Variants in ANKRD13C observed in about 807,000 individuals in gnomAD.
The protein encoded by ANKRD13C is ankyrin repeat domain-containing protein 13C.
In ANKRD13C, 16 loss-of-function variants were observed where a neutral mutation model predicts 65.5. That is an observed-to-expected ratio of 0.24 (90% confidence interval 0.17 to 0.37). ANKRD13C has a LOEUF of 0.37. Ranked by LOEUF, ANKRD13C falls within the 10% of genes least tolerant of loss-of-function variation. ANKRD13C has a pLI of 1.00. For synonymous variants in ANKRD13C, 235 were observed against 238.7 expected, an observed-to-expected ratio of 0.98 and a Z score of 0.14; for missense variants, 503 against 655.9, an observed-to-expected ratio of 0.77 and a Z score of 2.55.
chr1:70,332,291 C>A (rs1681851363), intron 2 of ANKRD13C, among the ~76,000 whole-genome samples: 1 of 152,190 alleles, frequency 6.6e-6, no homozygotes, highest in Non-Finnish European at 1.5e-5. Context: ...AAATTTCTAA[C>A]AAGTTCCACA....
intron 7 of ANKRD13C, 89 bp from the exon 8 acceptor site, chr1:70,296,350 T>A (rs1332625956): frequency 1.5e-6 from 2 of 1,293,602 alleles, no homozygotes; most frequent in African/African-American, 3.0e-5. Context: ...ATTATAATGG[T>A]ACCAATTTTT....
chr1:70,301,220 T>G (rs1033109381), intron 6 of ANKRD13C, among the ~76,000 whole-genome samples: 1 of 147,470 alleles, frequency 6.8e-6, no homozygotes, highest in Non-Finnish European at 1.5e-5. Flanking sequence ...CATATATATA[T>G]ACACACACAT....
intron 12 of ANKRD13C, among the ~76,000 whole-genome samples, chr1:70,267,978 A>G (rs924463596): frequency 2.0e-5 from 3 of 152,204 alleles, no homozygotes; most frequent in Non-Finnish European, 4.4e-5. Context: ...AGGCTTTCAA[A>G]TAGCTTGGCT....
chr1:70,289,741 G>A (rs1420396309), intron 9 of ANKRD13C, among the ~76,000 whole-genome samples: 1 of 151,638 alleles, frequency 6.6e-6, no homozygotes, highest in African/African-American at 2.4e-5. Context: ...TTCCCAAAGT[G>A]CTGGAATTAT....
At chr1:70,347,773 A>T (rs1572186012) in intron 1 of ANKRD13C, among the ~76,000 whole-genome samples, 1 of 152,310 alleles carries the variant, frequency 6.6e-6, no homozygotes, top group Admixed American at 6.5e-5. Context: ...ACATTCATCT[A>T]ATAATGAAGA....
chr1:70,277,433 G>C (rs1217528722), intron 9 of ANKRD13C, among the ~76,000 whole-genome samples: 2 of 150,614 alleles, frequency 1.3e-5, no homozygotes, highest in Middle Eastern at 3.2e-3. Context: ...CTCCAGCCTG[G>C]GTGACAGAAG....
At chr1:70,321,577 G>A (rs1025210561) in intron 3 of ANKRD13C, among the ~76,000 whole-genome samples, 3 of 152,032 alleles carry the variant, frequency 2.0e-5, no homozygotes, top group Non-Finnish European at 2.9e-5. Flanking sequence ...AGAGACAAAA[G>A]ACAACTAGAT....
chr1:70,269,931 A>G (rs986608534), intron 12 of ANKRD13C, among the ~76,000 whole-genome samples: 1 of 152,168 alleles, frequency 6.6e-6, no homozygotes, highest in African/African-American at 2.4e-5. Flanking sequence ...GAATTGATGG[A>G]TAGTGTTAAA....
chr1:70,321,547 A>G (rs1229873600), intron 3 of ANKRD13C, among the ~76,000 whole-genome samples: 1 of 152,202 alleles, frequency 6.6e-6, no homozygotes, highest in Non-Finnish European at 1.5e-5. Context: ...AAGTCTGCAC[A>G]AACTGTGAAC....
At position 70,349,414 on chromosome 1, in the gene ANKRD13C, A is replaced by C. The variant is rs190721545; in HGVS notation, c.430+4565T>G. Among the ~76,000 whole-genome samples the C allele has an allele frequency of 3.8e-3, 575 of 152,170 alleles. 3 individuals carry two copies. The highest frequency in any genetic ancestry group is 0.013 in the African/African-American group (526 of 41,508). ...CATATTTGAATACAACATATACATG[A>C]TTTTATAGCTGTTACTGTACTTAAA... On this transcript the variant is annotated intron_variant, in intron 1 of 12. Coordinates refer to ENST00000370944, the MANE Select transcript of ANKRD13C (RefSeq NM_030816.5).
At chr1:70,329,693 C>T (rs545980568) in intron 2 of ANKRD13C, among the ~76,000 whole-genome samples, 2 of 152,216 alleles carry the variant, frequency 1.3e-5, no homozygotes, top group South Asian at 4.1e-4. Flanking sequence ...AGATGCCCTT[C>T]ACGCACTAGT....
intron 1 of ANKRD13C, among the ~76,000 whole-genome samples, chr1:70,348,695 C>G (rs1682630828): frequency 6.6e-6 from 1 of 152,206 alleles, no homozygotes; most frequent in Admixed American, 6.5e-5. Flanking sequence ...GTACCTGCAT[C>G]AGCAGGAATA....
At chr1:70,306,128 A>G (rs1331489128) in intron 6 of ANKRD13C, 96 bp downstream of exon 6, 1 of 756,106 alleles carries the variant, frequency 1.3e-6, no homozygotes, top group African/African-American at 1.8e-5. Flanking sequence ...CAGCATTTTA[A>G]CGTCATAAAA....
chr1:70,266,000 C>G (rs1208924363), intron 12 of ANKRD13C, among the ~76,000 whole-genome samples: 3 of 151,936 alleles, frequency 2.0e-5, no homozygotes, highest in African/African-American at 7.3e-5. Context: ...TTTTATCCAA[C>G]TTTAACATCT....
At chr1:70,353,416 G>A (rs890192146) in intron 1 of ANKRD13C, among the ~76,000 whole-genome samples, 1 of 152,140 alleles carries the variant, frequency 6.6e-6, no homozygotes, top group Non-Finnish European at 1.5e-5. Flanking sequence ...CACTTTAACT[G>A]TTCTACGTAT....
intron 9 of ANKRD13C, among the ~76,000 whole-genome samples, chr1:70,287,358 A>C (rs1679666715): frequency 6.6e-6 from 1 of 151,972 alleles, no homozygotes; most frequent in Admixed American, 6.5e-5. Context: ...TTCTCAAAAA[A>C]TGATACTGGA....
intron 1 of ANKRD13C, among the ~76,000 whole-genome samples, chr1:70,346,887 C>G (rs897575886): frequency 6.6e-6 from 1 of 151,866 alleles, no homozygotes; most frequent in Admixed American, 6.6e-5. Flanking sequence ...GTCAGGAGAT[C>G]GAGACCATCC....
intron 9 of ANKRD13C, among the ~76,000 whole-genome samples, chr1:70,290,806 CCTTGGCCTCCCAA>C (rs1325613224): frequency 2.0e-5 from 3 of 152,086 alleles, no homozygotes; most frequent in Non-Finnish European, 4.4e-5. Flanking sequence ...AATCCTCCCA[CCTTGGCCTCCCAA>C]AGTGCTGGGA....
chr1:70,320,281 A>G (rs1421317725), intron 3 of ANKRD13C, among the ~76,000 whole-genome samples: 1 of 152,136 alleles, frequency 6.6e-6, no homozygotes, highest in Non-Finnish European at 1.5e-5. Context: ...GTAGAGAATA[A>G]TATGACCAGA....
Sources: gnomAD v4.1 joint callset for allele counts (sites outside exome capture counted in the v4.1 genomes callset) on GRCh38, gnomAD v4.1.1 for gene constraint, MANE v1.5 for transcripts, NCBI Gene and HGNC (gene_info 2026-07-23, HGNC 2026-07-21) for gene names.